The following PALM2AKAP2 variants were observed in gnomAD, a reference collection of about 807,000 sequenced individuals.
PALM2AKAP2 encodes PALM2 and AKAP2 fusion.
A neutral mutation model predicts 71.5 loss-of-function variants in PALM2AKAP2; 37 were observed. That is an observed-to-expected ratio of 0.52 (90% CI 0.40 to 0.68). The LOEUF is 0.68. Ranked by LOEUF, PALM2AKAP2 falls within the 30% of genes least tolerant of loss-of-function variation. The probability of loss-of-function intolerance (pLI) is 0.00; values close to 1 mark genes in which losing one functional copy is unlikely to be tolerated. For synonymous variants in PALM2AKAP2, 468 were observed against 478.8 expected (o/e 0.98, Z 0.29); for missense variants, 1,224 against 1,191.8 (o/e 1.03, Z -0.40).
At position 109,755,243 on chromosome 9, in the gene PALM2AKAP2, A is replaced by G. The variant is rs181081365; in HGVS notation, c.6-25245A>G. On this transcript the variant is annotated intron_variant, in intron 1 of 6. Transcript: ENST00000374531. The stretch of plus-strand genomic sequence containing the variant: ...CACTCCTCCAACAGCTTCTCATTCA[A>G]CTGAAATCCAAATTCCTTATCCTGA... 1.1e-3 allele frequency among the ~76,000 whole-genome samples: 162 copies of G among 152,108 alleles called. 3 individuals are homozygous for G. The highest frequency in any genetic ancestry group is 1.3e-4 in the Non-Finnish European group (9 of 67,972).
At chr9:110,077,811 C>A (rs143014638) in intron 1 of PALM2AKAP2, among the ~76,000 whole-genome samples, 8 of 152,086 alleles carry the variant, frequency 5.3e-5, no homozygotes, top group African/African-American at 1.9e-4. Context: ...GTCAGGAGTT[C>A]GAGACCAGCC....
chr9:110,014,779 CAAAAA>C (rs57087790), intron 6 of PALM2AKAP2, among the ~76,000 whole-genome samples: 35 of 16,580 alleles, frequency 2.1e-3, no homozygotes, highest in African/African-American at 8.8e-3. Context: ...TCCTCTGTCT[CAAAAA>C]AAAAAAAAAA....
rs561542477 is a variant in PALM2AKAP2 at position 110,107,626 on chromosome 9, G to A, written c.157-28501G>A. Reference sequence around the variant, plus strand: ...CTGTTGCCCAGGCAGGAGTGCAGTTGTGCCATCTCAGCTCACTGCAACTTC... The same window carrying A: ...CTGTTGCCCAGGCAGGAGTGCAGTTATGCCATCTCAGCTCACTGCAACTTC... On this transcript the variant is annotated intron_variant, in intron 1 of 3. Transcript: ENST00000374525. 9.8e-5 allele frequency among the ~76,000 whole-genome samples: 15 copies of A among 152,302 alleles called. No homozygotes were observed. In the South Asian group the frequency reaches 3.1e-3, roughly 32 times the overall value.
intron 1 of PALM2AKAP2, among the ~76,000 whole-genome samples, chr9:109,733,727 A>G (rs985504222): frequency 1.3e-4 from 20 of 152,300 alleles, no homozygotes; most frequent in African/African-American, 4.3e-4. Flanking sequence ...CATTTAATGT[A>G]ATCATTTGGG....
chr9:109,873,536 G>A lies in PALM2AKAP2; in HGVS notation c.126+5965G>A, dbSNP rs544236690. On this transcript the variant is annotated intron_variant, in intron 2 of 9. Transcript: ENST00000302798. The stretch of plus-strand genomic sequence containing the variant: ...ATTCCAACCATCATCCACTAGAATA[G>A]CCAATATCAGCTTCAGCCAGATTAC... Among the ~76,000 whole-genome samples the A allele has an allele frequency of 4.6e-5, 7 of 152,144 alleles. No homozygotes were observed. The East Asian group carries it at 1.2e-3, about 25-fold the overall frequency.
intron 2 of PALM2AKAP2, among the ~76,000 whole-genome samples, chr9:109,878,883 G>C (rs9408825): frequency 6.6e-6 from 1 of 151,974 alleles, no homozygotes; most frequent in Non-Finnish European, 1.5e-5. Context: ...GATTACAGGC[G>C]CATGCCATCA....
rs190675093 is a variant in PALM2AKAP2, at chr9:109,664,909, C to G, written c.5+24043C>G. Among the ~76,000 whole-genome samples, 255 of 151,156 alleles carry G rather than the reference C, an allele frequency of 1.7e-3. 1 individual carries two copies. Among genetic ancestry groups the G allele is most frequent in the African/African-American group, 5.8e-3 (240 of 41,388 alleles). On this transcript the variant is annotated intron_variant, in intron 1 of 6. Transcript: ENST00000374531. ...TTCCTTTTTGCTCTTTTTTCTCTAA[C>G]TTTATCACTTCATTTCATTAATTTG...
chr9:109,664,750 G>A lies in PALM2AKAP2; in HGVS notation c.5+23884G>A, dbSNP rs555127146. ...AGTGTTGGCCTGCCTTGCTATGTTG[G>A]GGAAGTTCTCCTGGATAATACCCTG... On this transcript the variant is annotated intron_variant, in intron 1 of 6. Transcript: ENST00000374531. Among the ~76,000 whole-genome samples, 4 of 152,202 alleles carry A rather than the reference G, an allele frequency of 2.6e-5. No individual in the cohort carries two copies. In the South Asian group the frequency reaches 8.3e-4, roughly 32 times the overall value.
intron 2 of PALM2AKAP2, among the ~76,000 whole-genome samples, chr9:110,143,558 T>C (rs574116671): frequency 3.9e-5 from 6 of 152,324 alleles, no homozygotes; most frequent in African/African-American, 1.2e-4. Context: ...AAACATTGTA[T>C]TGAAGTTGCA....
At chr9:109,712,371 T>C (rs1828255639) in intron 1 of PALM2AKAP2, among the ~76,000 whole-genome samples, 1 of 152,212 alleles carries the variant, frequency 6.6e-6, no homozygotes, top group African/African-American at 2.4e-5. Flanking sequence ...TTTCAACATA[T>C]TTCTTTTGCA....
At chr9:110,141,080 T>C (rs190521051) in intron 2 of PALM2AKAP2, among the ~76,000 whole-genome samples, 1 of 152,310 alleles carries the variant, frequency 6.6e-6, no homozygotes, top group Admixed American at 6.5e-5. Flanking sequence ...TTCTAGCACA[T>C]AAACAACTGT....
At chr9:110,104,248 AT>A (rs1835065610) in intron 1 of PALM2AKAP2, among the ~76,000 whole-genome samples, 1 of 152,102 alleles carries the variant, frequency 6.6e-6, no homozygotes, top group African/African-American at 2.4e-5. Context: ...TTCTGTCCAG[AT>A]TTTTGTTGGG....
At chr9:110,130,415 T>G (rs1835707335) in intron 1 of PALM2AKAP2, among the ~76,000 whole-genome samples, 1 of 152,204 alleles carries the variant, frequency 6.6e-6, no homozygotes, top group Non-Finnish European at 1.5e-5. Flanking sequence ...GGTGGAGACA[T>G]AGGCACCTGT....
chr9:109,735,172 C>T (rs1016477055), intron 1 of PALM2AKAP2, among the ~76,000 whole-genome samples: 1 of 148,424 alleles, frequency 6.7e-6, no homozygotes, highest in Non-Finnish European at 1.5e-5. Flanking sequence ...TGGCTAGACC[C>T]TCAGGGCCTG....
chr9:109,727,713 G>C (rs1828496027), intron 1 of PALM2AKAP2, among the ~76,000 whole-genome samples: 1 of 152,158 alleles, frequency 6.6e-6, no homozygotes, highest in Non-Finnish European at 1.5e-5. Context: ...ATCACTCAAT[G>C]GTCATATTTT....
chr9:109,867,357 G>C (rs1829479219), intron 1 of PALM2AKAP2, 134 bp from the exon 2 acceptor site: 1 of 953,652 alleles, frequency 1.0e-6, no homozygotes, highest in Non-Finnish European at 1.6e-6. Flanking sequence ...TGGGGCAGGT[G>C]ACACTGCGTG....
intron 6 of PALM2AKAP2, among the ~76,000 whole-genome samples, chr9:109,962,384 C>T (rs2132120720): frequency 6.6e-6 from 1 of 152,224 alleles, no homozygotes; most frequent in South Asian, 2.1e-4. Flanking sequence ...CAAATGTGGT[C>T]CTCTGCCTGT....
At chr9:109,973,640 A>G (rs1411950) in intron 6 of PALM2AKAP2, among the ~76,000 whole-genome samples, 6,707 of 152,320 alleles carry the variant, frequency 0.044, 367 homozygotes, top group East Asian at 0.28. Context: ...ATCCTCCCAC[A>G]GGGAAGGCAG....
chr9:109,835,073 G>A (rs1473021037), intron 1 of PALM2AKAP2, among the ~76,000 whole-genome samples: 21 of 151,896 alleles, frequency 1.4e-4, no homozygotes, highest in Admixed American at 1.4e-3. Flanking sequence ...CTGACTGCTT[G>A]GTTGTGGTTT....
Sources: allele counts gnomAD v4.1 joint callset (sites outside exome capture counted in the v4.1 genomes callset), GRCh38; gene constraint gnomAD v4.1.1; transcripts MANE v1.5; gene names NCBI Gene and HGNC (gene_info 2026-07-23, HGNC 2026-07-21).